Variants in GRHL3 observed in about 807,000 individuals in gnomAD.
GRHL3 encodes grainyhead-like protein 3 homolog.
A neutral mutation model predicts 70.3 loss-of-function variants in GRHL3; 20 were observed. The ratio of observed to expected loss-of-function variants is 0.28; its 90% CI spans 0.20 to 0.41. The LOEUF is 0.41. Among genes scored for constraint, GRHL3 ranks in the 10% least tolerant of loss-of-function variants. The pLI, the probability that GRHL3 is intolerant of heterozygous loss-of-function variation, is 1.00. For synonymous variants in GRHL3, 299 were observed against 299.9 expected (o/e 1.00, Z 0.03); for missense variants, 637 against 762.3 (o/e 0.84, Z 1.94).
In GRHL3 at chr1:24,342,568, C is replaced by A; in HGVS notation, c.1207-126C>A. ...GGTAAGTGCTGGTACCTTCCCATTT[C>A]CTGGTCTTGTTCTGGAAAAAAGAAG... On this transcript the variant is annotated intron_variant, in intron 9 of 15. Transcript: ENST00000361548. The surrounding 1 kb of genome is among the most constrained non-coding windows in gnomAD (Gnocchi z 4.8). 1.0e-6 allele frequency: 1 copy of A among 967,550 alleles called. No individual in the cohort carries two copies. Among genetic ancestry groups the A allele is most frequent in the Non-Finnish European group, 1.6e-6 (1 of 614,328 alleles). The allele number at this position is 967,550 out of a possible 1,614,324, so 59.9% of individuals were successfully genotyped here.
chr1:24,358,370 C>A (rs1394037432), downstream of GRHL3: 5 of 713,884 alleles, frequency 7.0e-6, no homozygotes, highest in Non-Finnish European at 1.3e-5. Context: ...GTCTCCAGCT[C>A]AAGACAAAGG....
At chr1:24,353,885 T>C (rs1640613235) in intron 15 of GRHL3, among the ~76,000 whole-genome samples, 1 of 152,122 alleles carries the variant, frequency 6.6e-6, no homozygotes, top group Non-Finnish European at 1.5e-5. Context: ...GATTTCAGCT[T>C]CCTGGGAATG....
At chr1:24,354,325 A>C in intron 15 of GRHL3, 49 bp from the exon 16 acceptor site, 1 of 1,387,456 alleles carries the variant, frequency 7.2e-7, no homozygotes, top group South Asian at 1.2e-5. Context: ...AGAAGGCCTG[A>C]AAACAGGGCG....
Position 24,344,911 on chromosome 1 carries a change from A to G in GRHL3, c.1434A>G (p.Ala478=), listed in dbSNP as rs1259752363. 2 of 1,613,570 alleles carry G rather than the reference A, an allele frequency of 1.2e-6. No homozygotes were observed. The highest frequency in any genetic ancestry group is 1.7e-6 in the Non-Finnish European group (2 of 1,179,724). ...LQRSGGAAPS[A]GPSSSNRLPL... The stretch of plus-strand genomic sequence containing the variant: ...CTTCATTGCAGGCAGCCCCCTCGGC[A>G]GGACCCAGCAGCTCCAACAGGTATG... The change falls in exon 12 of 16, where the codon GCA becomes GCG. Residue 478 remains alanine (A), a synonymous_variant. Coordinates refer to ENST00000361548, the MANE Select transcript of GRHL3 (RefSeq NM_198173.3).
chr1:24,325,648 A>G (rs1639361453), intron 1 of GRHL3, among the ~76,000 whole-genome samples: 1 of 152,240 alleles, frequency 6.6e-6, no homozygotes, highest in African/African-American at 2.4e-5. Flanking sequence ...TGTTGGAGCC[A>G]TGAAGGCTGA....
chr1:24,342,493 G>A lies in GRHL3; in HGVS notation c.1207-201G>A, dbSNP rs986404948. ...TGTCTGTCCGCCTCTCTCATGGCCT[G>A]TAGTGACCTCAGGCAAGCAGGGCCA... On this transcript the variant is annotated intron_variant, in intron 9 of 15. Transcript: ENST00000361548. The surrounding 1 kb of genome is among the most constrained non-coding windows in gnomAD (Gnocchi z 4.8). Among the ~76,000 whole-genome samples the A allele has an allele frequency of 6.6e-6, 1 of 152,162 alleles. No individual in the cohort carries two copies. Among genetic ancestry groups the A allele is most frequent in the African/African-American group, 2.4e-5 (1 of 41,412 alleles).
intron 11 of GRHL3, 118 bp downstream of exon 11, chr1:24,343,143 T>G (rs1448683168): frequency 8.7e-7 from 1 of 1,154,574 alleles, no homozygotes; most frequent in East Asian, 2.4e-5. Flanking sequence ...TTTCAAGACC[T>G]TTATTGAATC....
rs542048451 is a variant in GRHL3 at position 24,337,909 on chromosome 1, G to A, written c.841-83G>A. The A allele has an allele frequency of 2.6e-4, 401 of 1,550,612 alleles. 5 individuals are homozygous for A. The South Asian group carries it at 4.7e-3, about 18-fold the overall frequency. On this transcript the variant is annotated intron_variant, in intron 6 of 15. Coordinates refer to ENST00000361548, the MANE Select transcript of GRHL3 (RefSeq NM_198173.3). ...ATAATAGCCCATTGCCACAGGGTTGGGGAAACTGAGGCAAAAGGGCAGGCC... is the reference window on the plus strand; with the variant it reads ...ATAATAGCCCATTGCCACAGGGTTGAGGAAACTGAGGCAAAAGGGCAGGCC...
chr1:24,361,011 C>T, intron 15 of GRHL3: 1 of 1,612,588 alleles, frequency 6.2e-7, no homozygotes. Context: ...GAGGCGAAGG[C>T]TGAGCAGAGA....
intron 15 of GRHL3, chr1:24,360,857 C>T (rs776459539): frequency 3.7e-6 from 6 of 1,611,064 alleles, no homozygotes; most frequent in Non-Finnish European, 5.1e-6. Flanking sequence ...TGACCTGGGC[C>T]AGGCAGGCCT....
Position 24,334,982 on chromosome 1 carries a change from C to T in GRHL3, c.266+276C>T, listed in dbSNP as rs1005066401. Among the ~76,000 whole-genome samples the T allele has an allele frequency of 3.3e-5, 5 of 150,762 alleles. No individual in the cohort carries two copies. Among genetic ancestry groups the T allele is most frequent in the African/African-American group, 9.8e-5 (4 of 40,824 alleles). The stretch of plus-strand genomic sequence containing the variant: ...AGGCCAGTGAAGGCAGAGCCTAGGG[C>T]TCTTGAAAGTCCTAATGAAACTCAG... On this transcript the variant is annotated intron_variant, in intron 3 of 15. Transcript: ENST00000361548. The surrounding 1 kb of genome is among the most constrained non-coding windows in gnomAD (Gnocchi z 4.3).
rs1195512173 is a variant in GRHL3 at position 24,321,406 on chromosome 1, C to A, written c.17+1838C>A. The stretch of plus-strand genomic sequence containing the variant: ...CCCCTACTGGTAAGGGGAGGGCACC[C>A]GGCGCTTGGCTTGCAAGTTCTGAGC... On this transcript the variant is annotated intron_variant, in intron 1 of 15. Coordinates refer to ENST00000361548, the MANE Select transcript of GRHL3 (RefSeq NM_198173.3). The surrounding 1 kb of genome is among the most constrained non-coding windows in gnomAD (Gnocchi z 4.0). Among the ~76,000 whole-genome samples, 1 of 152,194 alleles carries A rather than the reference C, an allele frequency of 6.6e-6. No individual in the cohort carries two copies. The highest frequency in any genetic ancestry group is 1.5e-5 in the Non-Finnish European group (1 of 68,024).
At chr1:24,351,056 C>T (rs1163323751) in intron 15 of GRHL3, among the ~76,000 whole-genome samples, 2 of 152,214 alleles carry the variant, frequency 1.3e-5, no homozygotes, top group Non-Finnish European at 2.9e-5. Flanking sequence ...GCCCAGAGGC[C>T]CCAGAACCAG....
At chr1:24,320,702 A>G (rs1482462387) in intron 1 of GRHL3, among the ~76,000 whole-genome samples, 2 of 152,200 alleles carry the variant, frequency 1.3e-5, no homozygotes, top group Non-Finnish European at 2.9e-5. Context: ...TCAGCTCTTC[A>G]TGTTCACAGC....
chr1:24,336,337 T>A, intron 3 of GRHL3, 145 bp from the exon 4 acceptor site: 1 of 578,382 alleles, frequency 1.7e-6, no homozygotes. Flanking sequence ...ATTGGGCTGC[T>A]ACAGTGTCTT....
At chr1:24,356,243 C>CT (rs1427304083), downstream of GRHL3, among the ~76,000 whole-genome samples, 50 of 147,360 alleles carry the variant, frequency 3.4e-4, no homozygotes, top group African/African-American at 9.5e-4. Context: ...CCTCATTTAT[C>CT]TTTTTTTTTG....
intron 7 of GRHL3, 58 bp downstream of exon 7, chr1:24,338,161 A>T (rs1639900113): frequency 1.7e-6 from 2 of 1,181,270 alleles, no homozygotes; most frequent in African/African-American, 3.1e-5. Flanking sequence ...CCCCCGCATC[A>T]ATCAGGCCTT....
At chr1:24,356,848 T>C (rs894502613), downstream of GRHL3, among the ~76,000 whole-genome samples, 1 of 152,192 alleles carries the variant, frequency 6.6e-6, no homozygotes, top group Non-Finnish European at 1.5e-5. Flanking sequence ...AGTAAAACTT[T>C]TTTTAAAAAG....
At chr1:24,341,390 TATG>T in intron 8 of GRHL3, among the ~76,000 whole-genome samples, 1 of 152,322 alleles carries the variant, frequency 6.6e-6, no homozygotes, top group East Asian at 1.9e-4. Context: ...TGAAGCCGTA[TATG>T]GCTAGTGAGC....
Sources: allele counts gnomAD v4.1 joint callset (sites outside exome capture counted in the v4.1 genomes callset), GRCh38; gene constraint gnomAD v4.1.1; non-coding constraint Gnocchi (gnomAD v3.1); transcripts MANE v1.5; gene names NCBI Gene and HGNC (gene_info 2026-07-23, HGNC 2026-07-21).